EEF1AKMT2: variants seen among roughly 807,000 people sequenced by gnomAD.
EEF1AKMT2 encodes EEF1A lysine methyltransferase 2.
A neutral mutation model predicts 35.8 loss-of-function variants in EEF1AKMT2; 32 were observed. The ratio of observed to expected loss-of-function variants is 0.89; its 90% CI spans 0.67 to 1.20. The LOEUF (loss-of-function observed/expected upper bound fraction) is 1.20, where lower values mean the gene tolerates loss of function less well. EEF1AKMT2 is among the 50% of genes most tolerant of loss of function. The pLI is 0.00. For synonymous variants in EEF1AKMT2, 121 were observed against 133.7 expected (o/e 0.91, Z 0.65); for missense variants, 330 against 347.5 (o/e 0.95, Z 0.40).
intron 4 of EEF1AKMT2, among the ~76,000 whole-genome samples, chr10:124,769,675 G>A (rs1950411611): frequency 6.6e-6 from 1 of 152,080 alleles, no homozygotes. Flanking sequence ...TGCCAGGCAT[G>A]GTGGCTCGCA....
At chr10:124,787,433 CAAAAAAAA>C (rs398015024) in intron 3 of EEF1AKMT2, among the ~76,000 whole-genome samples, 5 of 37,436 alleles carry the variant, frequency 1.3e-4, no homozygotes. Context: ...GACTCTGTCT[CAAAAAAAA>C]AAAAAAAAAA....
At chr10:124,767,943 G>A (rs1420108432) in intron 4 of EEF1AKMT2, among the ~76,000 whole-genome samples, 1 of 152,288 alleles carries the variant, frequency 6.6e-6, no homozygotes, top group Middle Eastern at 3.4e-3. Flanking sequence ...CCGAGATCAC[G>A]CCATTGCACT....
At chr10:124,756,765 A>C (rs1490022104), downstream of EEF1AKMT2, among the ~76,000 whole-genome samples, 2 of 152,138 alleles carry the variant, frequency 1.3e-5, no homozygotes, top group East Asian at 3.8e-4. Flanking sequence ...TTTATTCAGC[A>C]TTTATGTAGC....
chr10:124,788,710 T>TTTTATATATATATA (rs1414544581), intron 3 of EEF1AKMT2, among the ~76,000 whole-genome samples: 5 of 92,502 alleles, frequency 5.4e-5, no homozygotes, highest in African/African-American at 1.7e-4. Context: ...AAGGTCATCT[T>TTTTATATATATATA]TATATATATA....
rs1288017805 is a variant in EEF1AKMT2, at chr10:124,789,168, G to T, written c.177-11C>A. The T allele has an allele frequency of 1.3e-6, 2 of 1,577,150 alleles. No homozygotes were observed. The highest frequency in any genetic ancestry group is 2.7e-5 in the African/African-American group (2 of 74,212). ...CTCTCTTCTCCAAACCTGTTAGAGA[G>T]AATCAGTCAAATAACTGAGGGATAC... On this transcript the variant is annotated splice_polypyrimidine_tract_variant and intron_variant, in intron 2 of 6. Transcript: ENST00000368836.
intron 4 of EEF1AKMT2, among the ~76,000 whole-genome samples, chr10:124,767,497 G>A (rs1374718515): frequency 1.4e-5 from 2 of 145,530 alleles, no homozygotes; most frequent in African/African-American, 5.2e-5. Context: ...AGGCGACAGG[G>A]CGAGACACTG....
chr10:124,767,053 C>G (rs1179498652), intron 4 of EEF1AKMT2, among the ~76,000 whole-genome samples: 1 of 147,660 alleles, frequency 6.8e-6, no homozygotes, highest in Non-Finnish European at 1.5e-5. Flanking sequence ...CCCAGCTACT[C>G]GGCAGGCTGA....
At chr10:124,756,318 T>C (rs1950287230), downstream of EEF1AKMT2, among the ~76,000 whole-genome samples, 1 of 152,238 alleles carries the variant, frequency 6.6e-6, no homozygotes, top group African/African-American at 2.4e-5. Flanking sequence ...ACTTTAGGGC[T>C]CAACTGATCT....
chr10:124,767,034 G>A (rs1365942679), intron 4 of EEF1AKMT2, among the ~76,000 whole-genome samples: 4 of 150,922 alleles, frequency 2.7e-5, no homozygotes, highest in South Asian at 2.1e-4. Context: ...GGTGGTGGGC[G>A]CCTGTAGTCC....
intron 3 of EEF1AKMT2, among the ~76,000 whole-genome samples, chr10:124,785,024 A>G (rs1950572736): frequency 6.6e-6 from 1 of 152,014 alleles, no homozygotes; most frequent in East Asian, 1.9e-4. Flanking sequence ...CAAGGGGGGA[A>G]AATCACGAGA....
Position 124,762,451 on chromosome 10 carries a change from G to A in EEF1AKMT2, c.724C>T (p.His242Tyr). 1.5e-6 allele frequency: 2 copies of A among 1,301,284 alleles called. No homozygotes were observed. Among genetic ancestry groups the A allele is most frequent in the Non-Finnish European group, 2.0e-6 (2 of 986,382 alleles). 80.6% of individuals were successfully genotyped at this position (1,301,284 alleles called of 1,614,324 possible). ...SRVGGTTGTH[H>Y]HAWIIFVFLA... ...AATACAAAAATTATCCAGGCATGAT[G>A]ATGTGTGCCTGTAGTTCCACCTACT... The change falls in exon 6 of 7, where the codon CAT becomes TAT. Residue 242 changes from histidine (H) to tyrosine (Y), a missense_variant. Coordinates refer to ENST00000368836, the MANE Select transcript of EEF1AKMT2 (RefSeq NM_212554.4).
intron 1 of EEF1AKMT2, 97 bp from the exon 2 acceptor site, chr10:124,790,435 G>A (rs2134147778): frequency 1.1e-6 from 1 of 890,962 alleles, no homozygotes; most frequent in East Asian, 2.5e-5. Flanking sequence ...ATTTATGACA[G>A]AGGTTTAAAC....
intron 2 of EEF1AKMT2, among the ~76,000 whole-genome samples, chr10:124,789,607 T>C (rs531808841): frequency 4.1e-4 from 62 of 151,878 alleles, no homozygotes; most frequent in African/African-American, 1.4e-3. Context: ...AAAAGAAAAT[T>C]TGCTGGGCAT....
chr10:124,790,421 A>G, intron 1 of EEF1AKMT2, 83 bp from the exon 2 acceptor site: 1 of 988,526 alleles, frequency 1.0e-6, no homozygotes, highest in Non-Finnish European at 1.6e-6. Flanking sequence ...TACATTACAG[A>G]GCTATTTATG....
At chr10:124,768,844 C>T (rs1950402998) in intron 4 of EEF1AKMT2, among the ~76,000 whole-genome samples, 1 of 151,994 alleles carries the variant, frequency 6.6e-6, no homozygotes, top group Admixed American at 6.6e-5. Context: ...TCAAAGGCTA[C>T]TGTAGTAGTT....
At chr10:124,790,431 G>T in intron 1 of EEF1AKMT2, 93 bp from the exon 2 acceptor site, 1 of 908,906 alleles carries the variant, frequency 1.1e-6, no homozygotes, top group Non-Finnish European at 1.8e-6. Flanking sequence ...AGCTATTTAT[G>T]ACAGAGGTTT....
chr10:124,768,956 C>T (rs1950403868), intron 4 of EEF1AKMT2, among the ~76,000 whole-genome samples: 1 of 151,450 alleles, frequency 6.6e-6, no homozygotes, highest in African/African-American at 2.4e-5. Context: ...TGGCCAGAAG[C>T]AGTGGCTCAT....
intron 4 of EEF1AKMT2, among the ~76,000 whole-genome samples, chr10:124,773,097 T>C (rs1243221884): frequency 2.0e-5 from 3 of 152,258 alleles, no homozygotes; most frequent in Non-Finnish European, 4.4e-5. Flanking sequence ...CTTAATCATT[T>C]CTAGCTTTTG....
chr10:124,772,096 C>T (rs921617613), intron 4 of EEF1AKMT2, among the ~76,000 whole-genome samples: 11 of 152,154 alleles, frequency 7.2e-5, no homozygotes, highest in Admixed American at 3.3e-4. Flanking sequence ...ATAATTCTTA[C>T]GGGCCCTCAG....
Sources: allele counts gnomAD v4.1 joint callset (sites outside exome capture counted in the v4.1 genomes callset), GRCh38; gene constraint gnomAD v4.1.1; transcripts MANE v1.5; gene names NCBI Gene and HGNC (gene_info 2026-07-23, HGNC 2026-07-21).